TAOK3: variants seen among roughly 807,000 people sequenced by gnomAD.
The protein encoded by TAOK3 is TAO kinase 3, also known as serine/threonine-protein kinase TAO3.
A neutral mutation model predicts 120.4 loss-of-function variants in TAOK3; 40 were observed. The observed-to-expected ratio is 0.33, with a 90% confidence interval of 0.26 to 0.43. The LOEUF is 0.43. TAOK3 is among the 20% of genes least tolerant of loss of function. The pLI is 1.00. For missense variants in TAOK3, 821 were observed against 1,112.1 expected (o/e 0.74, Z 3.72); for synonymous variants, 355 against 387.5 (o/e 0.92, Z 0.99).
intron 1 of TAOK3, among the ~76,000 whole-genome samples, chr12:118,334,057 C>T (rs1488245881): frequency 6.7e-6 from 1 of 150,046 alleles, no homozygotes; most frequent in South Asian, 2.1e-4. Context: ...ATCGCTTGAA[C>T]CCAGAAGGCA....
intron 1 of TAOK3, among the ~76,000 whole-genome samples, chr12:118,284,086 G>T (rs1273385247): frequency 6.6e-6 from 1 of 152,084 alleles, no homozygotes; most frequent in Non-Finnish European, 1.5e-5. Flanking sequence ...CACAGAAAAA[G>T]AATTGAAAGA....
intron 11 of TAOK3, among the ~76,000 whole-genome samples, chr12:118,208,486 C>A (rs759370056): frequency 6.6e-6 from 1 of 151,922 alleles, no homozygotes; most frequent in Middle Eastern, 3.2e-3. Context: ...TTTCAACTTA[C>A]GAGAGAGATG....
At chr12:118,151,283 G>GCA (rs2034398460) in intron 20 of TAOK3, 125 bp from the exon 21 acceptor site, 2 of 564,510 alleles carry the variant, frequency 3.5e-6, no homozygotes, top group African/African-American at 4.0e-5. Flanking sequence ...TGAAGTGCGC[G>GCA]CGCGCGCACA....
At chr12:118,328,345 C>T (rs551816751) in intron 1 of TAOK3, among the ~76,000 whole-genome samples, 58 of 152,248 alleles carry the variant, frequency 3.8e-4, no homozygotes, top group Admixed American at 3.2e-3. Context: ...TGAGCCACTG[C>T]GCCTGGCCTA....
At chr12:118,281,328 A>G (rs2042092739) in intron 1 of TAOK3, among the ~76,000 whole-genome samples, 1 of 152,158 alleles carries the variant, frequency 6.6e-6, no homozygotes, top group Non-Finnish European at 1.5e-5. Context: ...GGTTCGTCAT[A>G]GATGGCCCTA....
intron 13 of TAOK3, among the ~76,000 whole-genome samples, chr12:118,196,087 AAATAAAT>A (rs2037713357): frequency 6.6e-6 from 1 of 151,096 alleles, no homozygotes; most frequent in African/African-American, 2.4e-5. Flanking sequence ...ATAAATAAAT[AAATAAAT>A]AAAAGGAAGT....
At chr12:118,209,718 T>TTC (rs2038525115) in intron 11 of TAOK3, among the ~76,000 whole-genome samples, 1 of 14,148 alleles carries the variant, frequency 7.1e-5, no homozygotes, top group Non-Finnish European at 1.7e-4. Flanking sequence ...CTTCTTCTTC[T>TTC]TTTTTTTTTT....
chr12:118,272,450 G>A (rs1326957177), intron 1 of TAOK3, among the ~76,000 whole-genome samples: 1 of 151,834 alleles, frequency 6.6e-6, no homozygotes, highest in Non-Finnish European at 1.5e-5. Flanking sequence ...CAACAATAAT[G>A]TTCTTCTCAA....
At chr12:118,190,460 CCTCT>C (rs2037372012) in intron 13 of TAOK3, 1 of 153,282 alleles carries the variant, frequency 6.5e-6, no homozygotes, top group African/African-American at 2.4e-5. Context: ...TGCTGAACTG[CCTCT>C]CTATCTTGTG....
At chr12:118,273,306 T>A (rs577125582) in intron 1 of TAOK3, among the ~76,000 whole-genome samples, 120 of 151,180 alleles carry the variant, frequency 7.9e-4, no homozygotes, top group Non-Finnish European at 1.5e-3. Context: ...ATCCAGACCA[T>A]CCTCGCTAAC....
chr12:118,349,154 G>C (rs1294451781), intron 1 of TAOK3, among the ~76,000 whole-genome samples: 1 of 152,298 alleles, frequency 6.6e-6, no homozygotes, highest in Admixed American at 6.5e-5. Context: ...GCCTCCCAAA[G>C]TGCTGGGATT....
chr12:118,162,008 G>A lies in TAOK3; in HGVS notation c.1919C>T (p.Thr640Ile). 1 of 1,613,638 alleles carries A rather than the reference G, an allele frequency of 6.2e-7. No homozygotes were observed. The highest frequency in any genetic ancestry group is 1.1e-5 in the South Asian group (1 of 91,072). The part of the protein sequence containing the change: ...NIREELNKKR[T>I]QKEMEHAMLI... ...CATGGCATGCTCCATCTCCTTCTGG[G>A]TCCTCTTTTTATTTAGTTCCTGCGT... is the stretch of plus-strand genomic sequence containing the variant. The change falls in exon 18 of 21, where the codon ACC becomes ATC. Residue 640 changes from threonine to isoleucine, a missense_variant. Around this residue, in one of 2 missense-constraint regions of TAOK3, gnomAD observed 354 missense variants for 572.1 expected, o/e 0.62. Coordinates refer to ENST00000392533, the MANE Select transcript of TAOK3 (RefSeq NM_016281.4).
chr12:118,199,294 T>C (rs768831755), intron 12 of TAOK3, 37 bp from the exon 13 acceptor site: 1 of 1,512,840 alleles, frequency 6.6e-7, no homozygotes, highest in Non-Finnish European at 9.2e-7. Context: ...AAAAAAAGAC[T>C]GAAGATAAAG....
At chr12:118,338,027 ATTAT>A (rs1184225829) in intron 1 of TAOK3, among the ~76,000 whole-genome samples, 6 of 152,212 alleles carry the variant, frequency 3.9e-5, no homozygotes, top group African/African-American at 1.4e-4. Context: ...ACCTCTCAGT[ATTAT>A]TTCTTACAAG....
At chr12:118,291,405 C>G (rs974400040) in intron 1 of TAOK3, among the ~76,000 whole-genome samples, 8 of 150,210 alleles carry the variant, frequency 5.3e-5, no homozygotes, top group Non-Finnish European at 3.0e-5. Context: ...AGGTGATTCG[C>G]CCGCCTCGGC....
intron 9 of TAOK3, among the ~76,000 whole-genome samples, chr12:118,225,626 CTGTAAGG>C (rs2039464647): frequency 6.6e-6 from 1 of 152,120 alleles, no homozygotes; most frequent in African/African-American, 2.4e-5. Context: ...ATGTCATTGA[CTGTAAGG>C]TGTACTACCG....
intron 2 of TAOK3, among the ~76,000 whole-genome samples, chr12:118,256,950 A>G (rs2041013694): frequency 6.6e-6 from 1 of 152,216 alleles, no homozygotes; most frequent in African/African-American, 2.4e-5. Context: ...ATTTTGGTGT[A>G]ATTAATGTTG....
intron 19 of TAOK3, 109 bp from the exon 20 acceptor site, chr12:118,152,518 G>A: frequency 8.5e-7 from 1 of 1,171,176 alleles, no homozygotes; most frequent in Non-Finnish European, 1.2e-6. Flanking sequence ...ATTGAAATTG[G>A]TTGCCCCCTC....
intron 14 of TAOK3, among the ~76,000 whole-genome samples, chr12:118,182,411 C>T (rs762869774): frequency 2.6e-5 from 4 of 151,538 alleles, no homozygotes; most frequent in African/African-American, 9.7e-5. Flanking sequence ...TTGTGGGGGC[C>T]GTCCTGTGCA....
Sources: allele counts gnomAD v4.1 joint callset (sites outside exome capture counted in the v4.1 genomes callset), GRCh38; gene constraint gnomAD v4.1.1; regional missense constraint gnomAD v4.1.1; transcripts MANE v1.5; gene names NCBI Gene and HGNC (gene_info 2026-07-23, HGNC 2026-07-21).